BLNK: variants seen among roughly 807,000 people sequenced by gnomAD.
BLNK encodes the protein B-cell linker protein.
A neutral mutation model predicts 73.5 loss-of-function variants in BLNK; 29 were observed. The ratio of observed to expected loss-of-function variants is 0.39; its 90% CI spans 0.29 to 0.54. The LOEUF (loss-of-function observed/expected upper bound fraction) is 0.54, where lower values mean the gene tolerates loss of function less well. Ranked by LOEUF, BLNK falls within the 20% of genes least tolerant of loss-of-function variation. BLNK has a pLI of 0.61. For synonymous variants in BLNK, 176 were observed against 200.8 expected, an observed-to-expected ratio of 0.88 and a Z score of 1.04; for missense variants, 460 against 562.8, an observed-to-expected ratio of 0.82 and a Z score of 1.85.
intron 7 of BLNK, chr10:96,215,948 T>C (rs1554899751): frequency 6.1e-6 from 1 of 162,610 alleles, no homozygotes; most frequent in African/African-American, 2.4e-5. Flanking sequence ...CTGTTGGTGA[T>C]AGGTACGGAG....
intron 8 of BLNK, among the ~76,000 whole-genome samples, chr10:96,214,553 A>G (rs2084020453): frequency 6.6e-6 from 1 of 152,044 alleles, no homozygotes; most frequent in South Asian, 2.1e-4. Context: ...CAAATTCAGG[A>G]GAAAAAAAAG....
chr10:96,257,142 T>C (rs1300790542), intron 1 of BLNK, among the ~76,000 whole-genome samples: 1 of 152,086 alleles, frequency 6.6e-6, no homozygotes, highest in African/African-American at 2.4e-5. Flanking sequence ...AGTGAGCAGC[T>C]GAGAGTGTCA....
chr10:96,252,011 C>A (rs1244813227), intron 1 of BLNK, among the ~76,000 whole-genome samples: 1 of 152,084 alleles, frequency 6.6e-6, no homozygotes, highest in Admixed American at 6.6e-5. Flanking sequence ...ATTGGGTTGT[C>A]TGTGGTGCGT....
chr10:96,209,399 C>T (rs868939415), intron 9 of BLNK, among the ~76,000 whole-genome samples: 8 of 102,786 alleles, frequency 7.8e-5, no homozygotes, highest in Middle Eastern at 5.4e-3. Context: ...TTTATTTATT[C>T]ATTTATTTAT....
intron 2 of BLNK, among the ~76,000 whole-genome samples, chr10:96,243,274 C>A (rs181260771): frequency 6.6e-6 from 1 of 152,206 alleles, no homozygotes; most frequent in African/African-American, 2.4e-5. Context: ...GCCAGACACA[C>A]TGGCTCATTT....
chr10:96,237,224 G>T (rs1299065747), intron 3 of BLNK, among the ~76,000 whole-genome samples: 1 of 152,186 alleles, frequency 6.6e-6, no homozygotes, highest in East Asian at 1.9e-4. Flanking sequence ...GGAGCACCAG[G>T]CCCATGACAA....
chr10:96,199,124 C>G (rs2168733), intron 15 of BLNK, among the ~76,000 whole-genome samples: 40,276 of 152,078 alleles, frequency 0.26, 5,962 homozygotes, highest in Middle Eastern at 0.41. Flanking sequence ...AAAGGACTGA[C>G]GGAACACACT....
chr10:96,212,626 A>G (rs782179998), intron 8 of BLNK, among the ~76,000 whole-genome samples: 3 of 152,158 alleles, frequency 2.0e-5, no homozygotes, highest in African/African-American at 7.2e-5. Context: ...CAGATTTACT[A>G]TATCACCCTC....
At chr10:96,243,811 A>T (rs587662009) in intron 2 of BLNK, among the ~76,000 whole-genome samples, 1 of 152,324 alleles carries the variant, frequency 6.6e-6, no homozygotes, top group Admixed American at 6.5e-5. Flanking sequence ...ACTTGAAATG[A>T]GTAAGGTTTA....
At chr10:96,195,284 A>G (rs2083437461) in intron 16 of BLNK, among the ~76,000 whole-genome samples, 1 of 152,238 alleles carries the variant, frequency 6.6e-6, no homozygotes, top group African/African-American at 2.4e-5. Context: ...TAGAATACCC[A>G]TATCATCCAG....
At position 96,190,856 on chromosome 10, in the gene BLNK, G is replaced by A. The variant is rs1212479737; in HGVS notation, c.*1117C>T. Among the ~76,000 whole-genome samples the A allele has an allele frequency of 6.6e-6, 1 of 152,210 alleles. No homozygotes were observed. The highest frequency in any genetic ancestry group is 1.5e-5 in the Non-Finnish European group (1 of 68,044). ...CTTTTATTCCTTGGTGTTCACCAAT[G>A]TCTGCTTTTCTGCTCTTGTTTTGTG... On this transcript the variant is annotated 3_prime_UTR_variant, in exon 17 of 17. Transcript: ENST00000224337.
At chr10:96,198,586 C>T (rs868943859) in intron 15 of BLNK, among the ~76,000 whole-genome samples, 2 of 152,198 alleles carry the variant, frequency 1.3e-5, no homozygotes, top group African/African-American at 4.8e-5. Flanking sequence ...GAGCTTCATA[C>T]AGAACAACAC....
intron 1 of BLNK, among the ~76,000 whole-genome samples, chr10:96,250,021 C>T (rs538560212): frequency 6.6e-6 from 1 of 152,274 alleles, no homozygotes; most frequent in South Asian, 2.1e-4. Flanking sequence ...GAGGGACCCA[C>T]GTTCAAATGT....
At chr10:96,231,189 A>G (rs1440076759) in intron 3 of BLNK, among the ~76,000 whole-genome samples, 4 of 152,182 alleles carry the variant, frequency 2.6e-5, no homozygotes, top group Admixed American at 2.0e-4. Context: ...AGGACAGGGA[A>G]TCAGACAGAC....
intron 1 of BLNK, among the ~76,000 whole-genome samples, chr10:96,254,985 T>G (rs1304823085): frequency 6.6e-6 from 1 of 152,166 alleles, no homozygotes; most frequent in African/African-American, 2.4e-5. Flanking sequence ...CCCCCGACCA[T>G]TTAAACCAGA....
chr10:96,215,428 T>TAC (rs782202524), intron 7 of BLNK, 39 bp from the exon 8 acceptor site: 95 of 1,474,310 alleles, frequency 6.4e-5, no homozygotes, highest in Non-Finnish European at 8.4e-5. Flanking sequence ...TATATATATA[T>TAC]ATACATAAAA....
chr10:96,227,357 C>A, intron 5 of BLNK, 53 bp downstream of exon 5: 1 of 1,598,834 alleles, frequency 6.3e-7, no homozygotes, highest in South Asian at 1.1e-5. Flanking sequence ...TGGACACCCC[C>A]ACCTCCCCAT....
chr10:96,208,847 G>A (rs1173022261), intron 9 of BLNK, among the ~76,000 whole-genome samples: 3 of 152,174 alleles, frequency 2.0e-5, no homozygotes, highest in African/African-American at 7.2e-5. Flanking sequence ...TCAGAGAGAC[G>A]AAGTAGTTTG....
In BLNK at chr10:96,227,409, C is replaced by A; in HGVS notation, c.361+1G>T. The A allele has an allele frequency of 6.2e-7, 1 of 1,613,670 alleles. No homozygotes were observed. Among genetic ancestry groups the A allele is most frequent in the Non-Finnish European group, 8.5e-7 (1 of 1,180,022 alleles). ...GTGCCCAGGTCTGCGGGGGACCTCA[C>A]CTATATACTCGCCTCTGGCGAAGGG... On this transcript the variant is annotated splice_donor_variant, in intron 5 of 16. Coordinates refer to ENST00000224337, the MANE Select transcript of BLNK (RefSeq NM_013314.4). LOFTEE classifies it high-confidence loss of function.
Sources: allele counts gnomAD v4.1 joint callset (sites outside exome capture counted in the v4.1 genomes callset), GRCh38; gene constraint gnomAD v4.1.1; transcripts MANE v1.5; gene names NCBI Gene and HGNC (gene_info 2026-07-23, HGNC 2026-07-21).